The following PACRGL variants were observed in gnomAD, a reference collection of about 807,000 sequenced individuals.
The protein encoded by PACRGL is parkin coregulated like.
A neutral mutation model predicts 34.5 loss-of-function variants in PACRGL; 38 were observed. The observed-to-expected ratio is 1.10, with a 90% CI of 0.85 to 1.44. The LOEUF (loss-of-function observed/expected upper bound fraction) is 1.44. PACRGL is among the 40% of genes most tolerant of loss of function. PACRGL has a pLI of 0.00. For synonymous variants in PACRGL, 128 were observed against 100.1 expected, an observed-to-expected ratio of 1.28 and a Z score of -1.66; for missense variants, 305 against 281.4, an observed-to-expected ratio of 1.08 and a Z score of -0.60.
chr4:20,750,277 G>A (rs1753364659), intron 8 of PACRGL, among the ~76,000 whole-genome samples: 1 of 152,074 alleles, frequency 6.6e-6, no homozygotes, highest in African/African-American at 2.4e-5. Context: ...AGGTCTTTCT[G>A]ACTCTGAGAA....
chr4:20,741,781 G>A (rs1013110995), intron 8 of PACRGL, among the ~76,000 whole-genome samples: 7 of 152,166 alleles, frequency 4.6e-5, no homozygotes, highest in African/African-American at 1.2e-4. Context: ...GAATCCAGGA[G>A]CTGGTGTTTT....
intron 8 of PACRGL, among the ~76,000 whole-genome samples, chr4:20,743,091 C>T (rs746909660): frequency 1.4e-5 from 2 of 145,386 alleles, no homozygotes; most frequent in African/African-American, 5.3e-5. Flanking sequence ...ATGTGAACTA[C>T]GAACCACTGC....
At chr4:20,726,171 G>T (rs960869191) in intron 8 of PACRGL, among the ~76,000 whole-genome samples, 3 of 152,020 alleles carry the variant, frequency 2.0e-5, no homozygotes, top group Non-Finnish European at 2.9e-5. Context: ...AGTGGAGGGG[G>T]TGTGGAGGAG....
chr4:20,699,622 TCAGA>T (rs1157791870), upstream of PACRGL, among the ~76,000 whole-genome samples: 2 of 152,282 alleles, frequency 1.3e-5, no homozygotes, highest in South Asian at 2.1e-4. Context: ...CCTCGAGTGC[TCAGA>T]CAATGCCAAT....
At chr4:20,702,602 A>G (rs1003877404) in intron 1 of PACRGL, 2 of 154,596 alleles carry the variant, frequency 1.3e-5, no homozygotes, top group African/African-American at 4.9e-5. Context: ...TCCTGTAATT[A>G]TGCCCAATTA....
intron 7 of PACRGL, among the ~76,000 whole-genome samples, chr4:20,724,502 T>G (rs1351374149): frequency 6.6e-6 from 1 of 152,158 alleles, no homozygotes; most frequent in South Asian, 2.1e-4. Context: ...AGGCACAGCT[T>G]TCCATCATGG....
At chr4:20,766,228 G>A in the PACRGL span, among the ~76,000 whole-genome samples, 1 of 152,120 alleles carries the variant, frequency 6.6e-6, no homozygotes, top group African/African-American at 2.4e-5. Flanking sequence ...TTAGAAAATA[G>A]CAGATCTAAT....
the PACRGL span, among the ~76,000 whole-genome samples, chr4:20,758,507 A>G: frequency 6.6e-6 from 1 of 152,170 alleles, no homozygotes; most frequent in Non-Finnish European, 1.5e-5. Flanking sequence ...GAGACCTACA[A>G]TGCATGTGAA....
At chr4:20,724,922 TTAAC>T in intron 8 of PACRGL, 34 bp downstream of exon 8, 1 of 1,318,830 alleles carries the variant, frequency 7.6e-7, no homozygotes, top group Non-Finnish European at 9.9e-7. Context: ...GTCTTTTTTT[TTAAC>T]TTTTAGGTGT....
chr4:20,715,389 A>G (rs1578219925), intron 7 of PACRGL, among the ~76,000 whole-genome samples: 1 of 152,046 alleles, frequency 6.6e-6, no homozygotes, highest in Non-Finnish European at 1.5e-5. Context: ...TAACCTGCAC[A>G]TTGTGCACAT....
chr4:20,724,444 T>G (rs1470835590), intron 7 of PACRGL, among the ~76,000 whole-genome samples: 1 of 152,164 alleles, frequency 6.6e-6, no homozygotes, highest in Non-Finnish European at 1.5e-5. Context: ...AAATCCTCCA[T>G]CCTTTGTCTT....
At chr4:20,733,688 G>A (rs908713209), downstream of PACRGL, among the ~76,000 whole-genome samples, 7 of 152,094 alleles carry the variant, frequency 4.6e-5, no homozygotes, top group Non-Finnish European at 8.8e-5. Flanking sequence ...AAGTATCTGG[G>A]TAATAAATAT....
intron 8 of PACRGL, among the ~76,000 whole-genome samples, chr4:20,748,900 A>G (rs62411664): frequency 0.25 from 29,907 of 120,334 alleles, 3,071 homozygotes; most frequent in African/African-American, 0.31. Flanking sequence ...GTGTGTATAT[A>G]TATATATATA....
Position 20,713,483 on chromosome 4 carries a change from C to A in PACRGL, c.553C>A (p.Leu185Ile), listed in dbSNP as rs150745546. ...FERGLNALVQ[L>I]SVVVGPSLND... ...AAGAGGATTGAATGCTCTAGTTCAG[C>A]TAAGTGTCGTTGTTGGTCCTTCTCT... Residue 185 changes from leucine (L) to isoleucine (I), a missense_variant, in exon 7 of 9, where the codon CTA becomes ATA. Transcript: ENST00000503585. The A allele has an allele frequency of 9.9e-6, 16 of 1,613,612 alleles. No individual in the cohort carries two copies. The African/African-American group carries it at 2.1e-4, about 22-fold the overall frequency.
downstream of PACRGL, among the ~76,000 whole-genome samples, chr4:20,736,968 G>C (rs1413201239): frequency 6.6e-6 from 1 of 152,154 alleles, no homozygotes; most frequent in Admixed American, 6.6e-5. Flanking sequence ...ATATAGAACA[G>C]TAGAATAGAA....
intron 7 of PACRGL, among the ~76,000 whole-genome samples, chr4:20,714,252 A>C (rs537707984): frequency 5.3e-5 from 8 of 152,228 alleles, no homozygotes; most frequent in Non-Finnish European, 1.2e-4. Flanking sequence ...CCATTATGTA[A>C]TGGCCTTCTT....
At chr4:20,714,439 T>C (rs189746876) in intron 7 of PACRGL, among the ~76,000 whole-genome samples, 41 of 152,340 alleles carry the variant, frequency 2.7e-4, no homozygotes, top group African/African-American at 9.4e-4. Flanking sequence ...TGATGGGTCT[T>C]GACTCTTTAT....
At chr4:20,709,886 A>G (rs1447460953) in intron 5 of PACRGL, 113 bp downstream of exon 5, 1 of 781,518 alleles carries the variant, frequency 1.3e-6, no homozygotes, top group African/African-American at 1.7e-5. Context: ...AAAACGAAGC[A>G]CACAATAGGC....
intron 8 of PACRGL, among the ~76,000 whole-genome samples, chr4:20,747,487 C>G (rs1209770593): frequency 1.3e-5 from 2 of 152,132 alleles, no homozygotes; most frequent in African/African-American, 4.8e-5. Context: ...ATGGAGTGAC[C>G]TAAGCTGCCA....
Sources: gnomAD v4.1 joint callset for allele counts (sites outside exome capture counted in the v4.1 genomes callset) on GRCh38, gnomAD v4.1.1 for gene constraint, MANE v1.5 for transcripts, NCBI Gene and HGNC (gene_info 2026-07-23, HGNC 2026-07-21) for gene names.